Variants in SLC9C1 observed in about 807,000 individuals in gnomAD.
The protein encoded by SLC9C1 is solute carrier family 9 member C1.
Under a neutral mutation model 140.9 loss-of-function variants are expected in SLC9C1, and 97 were observed. That is an observed-to-expected ratio of 0.69 (90% CI 0.58 to 0.82). The LOEUF (loss-of-function observed/expected upper bound fraction) is 0.82. Ranked by LOEUF, SLC9C1 falls within the 40% of genes least tolerant of loss-of-function variation. SLC9C1 has a pLI of 0.00. For missense variants in SLC9C1, 1,340 were observed against 1,389.3 expected, an observed-to-expected ratio of 0.96 and a Z score of 0.56; for synonymous variants, 440 against 442.6, an observed-to-expected ratio of 0.99 and a Z score of 0.07.
At chr3:112,233,806 G>C (rs1442882122) in intron 12 of SLC9C1, among the ~76,000 whole-genome samples, 1 of 152,024 alleles carries the variant, frequency 6.6e-6, no homozygotes, top group Non-Finnish European at 1.5e-5. Context: ...CAAAGGACAT[G>C]AACTCATCAT....
In SLC9C1 at chr3:112,286,763, A is replaced by G; in HGVS notation, c.29T>C (p.Phe10Ser). Residue 10 changes from phenylalanine to serine, a missense_variant, in exon 2 of 29, where the codon TTC (phenylalanine) becomes TCC (serine). Coordinates refer to ENST00000305815, the MANE Select transcript of SLC9C1 (RefSeq NM_183061.3). MAGIFKEFFFSTEDLPEVIL... is the reference protein window; with the variant it reads MAGIFKEFFSSTEDLPEVIL... ...GACTTCAGGGAGGTCCTCAGTACTG[A>G]AAAAAAACTCCTTAAATATTCCAGC... 6.2e-7 allele frequency: 1 copy of G among 1,610,566 alleles called. No individual in the cohort carries two copies. Among genetic ancestry groups the G allele is most frequent in the Non-Finnish European group, 8.5e-7 (1 of 1,178,538 alleles).
chr3:112,224,765 A>T (rs910316480), intron 13 of SLC9C1, among the ~76,000 whole-genome samples: 6 of 151,842 alleles, frequency 4.0e-5, no homozygotes, highest in Non-Finnish European at 7.4e-5. Context: ...GAAAAAAGAG[A>T]AAAAGAGAAA....
intron 15 of SLC9C1, among the ~76,000 whole-genome samples, chr3:112,216,687 C>A (rs558370143): frequency 6.6e-6 from 1 of 152,160 alleles, no homozygotes; most frequent in South Asian, 2.1e-4. Context: ...GAATGGCAAT[C>A]ATTAAAGTCA....
At chr3:112,171,647 A>G (rs2077249408) in intron 23 of SLC9C1, among the ~76,000 whole-genome samples, 1 of 152,186 alleles carries the variant, frequency 6.6e-6, no homozygotes. Context: ...ATTTATCAAT[A>G]TTTCGTTTTA....
At chr3:112,197,806 C>T (rs776626607) in intron 20 of SLC9C1, among the ~76,000 whole-genome samples, 1 of 152,132 alleles carries the variant, frequency 6.6e-6, no homozygotes, top group Non-Finnish European at 1.5e-5. Flanking sequence ...AACTCCCTGA[C>T]ATGGTGTGAA....
At chr3:112,209,330 G>T (rs949005864) in intron 15 of SLC9C1, among the ~76,000 whole-genome samples, 3 of 152,178 alleles carry the variant, frequency 2.0e-5, no homozygotes, top group Admixed American at 1.3e-4. Context: ...TTTAAGCCTT[G>T]TTAACTTTGT....
chr3:112,269,796 A>C (rs966590664), intron 7 of SLC9C1, 120 bp downstream of exon 7: 1 of 724,590 alleles, frequency 1.4e-6, no homozygotes, highest in African/African-American at 1.9e-5. Context: ...TTTTAATAAA[A>C]ATATTCTGTC....
chr3:112,219,155 A>G (rs943067670), intron 14 of SLC9C1, among the ~76,000 whole-genome samples: 1 of 152,202 alleles, frequency 6.6e-6, no homozygotes, highest in African/African-American at 2.4e-5. Context: ...TTTTTTAGGC[A>G]ATTATACAAG....
chr3:112,154,911 T>A, intron 27 of SLC9C1, 86 bp downstream of exon 27: 1 of 1,319,530 alleles, frequency 7.6e-7, no homozygotes, highest in Non-Finnish European at 1.1e-6. Flanking sequence ...TTTTTCAGAA[T>A]AAGAGAAACA....
chr3:112,199,598 C>T (rs1485691917), intron 19 of SLC9C1, 129 bp from the exon 20 acceptor site: 3 of 587,362 alleles, frequency 5.1e-6, no homozygotes, highest in East Asian at 3.4e-5. Context: ...TGTATCTCTT[C>T]CTGAAGGGGC....
intron 21 of SLC9C1, among the ~76,000 whole-genome samples, chr3:112,181,567 TA>T (rs1368639437): frequency 6.6e-6 from 1 of 152,098 alleles, no homozygotes; most frequent in Non-Finnish European, 1.5e-5. Context: ...GTAGATGAGA[TA>T]AAAAATATAG....
At chr3:112,264,650 A>G (rs2079870036) in intron 8 of SLC9C1, among the ~76,000 whole-genome samples, 1 of 151,990 alleles carries the variant, frequency 6.6e-6, no homozygotes, top group African/African-American at 2.4e-5. Context: ...TAGAGGGCAT[A>G]TAGTGAAAAG....
chr3:112,242,810 A>G (rs6773805), intron 11 of SLC9C1, among the ~76,000 whole-genome samples: 3 of 151,980 alleles, frequency 2.0e-5, no homozygotes, highest in African/African-American at 7.2e-5. Context: ...TACAACTACT[A>G]TGTATCCACA....
At chr3:112,291,556 C>G (rs1284703088) in intron 1 of SLC9C1, among the ~76,000 whole-genome samples, 1 of 151,828 alleles carries the variant, frequency 6.6e-6, no homozygotes, top group Non-Finnish European at 1.5e-5. Context: ...CAAATCAAAA[C>G]CACAAGGAAG....
chr3:112,228,155 A>G (rs2078729977), intron 13 of SLC9C1, among the ~76,000 whole-genome samples: 1 of 152,110 alleles, frequency 6.6e-6, no homozygotes, highest in African/African-American at 2.4e-5. Context: ...CACTACAACC[A>G]ACAAGCTATA....
chr3:112,210,819 C>T (rs1025564978), intron 15 of SLC9C1, among the ~76,000 whole-genome samples: 6 of 151,986 alleles, frequency 3.9e-5, no homozygotes, highest in African/African-American at 1.5e-4. Flanking sequence ...GAGGTGGCTA[C>T]CACCCACTTC....
At chr3:112,238,779 C>T (rs2079061587) in intron 12 of SLC9C1, among the ~76,000 whole-genome samples, 1 of 152,186 alleles carries the variant, frequency 6.6e-6, no homozygotes, top group African/African-American at 2.4e-5. Flanking sequence ...GCGAATATTG[C>T]TGAACAGGCA....
chr3:112,189,154 A>G (rs2077599020), intron 20 of SLC9C1, among the ~76,000 whole-genome samples: 1 of 152,166 alleles, frequency 6.6e-6, no homozygotes, highest in Admixed American at 6.5e-5. Context: ...GGTAGATTGC[A>G]AAAATTTTCT....
At chr3:112,219,701 C>G (rs2078486695) in intron 14 of SLC9C1, among the ~76,000 whole-genome samples, 1 of 152,140 alleles carries the variant, frequency 6.6e-6, no homozygotes. Flanking sequence ...ATCTCAGCCT[C>G]CTGAGTAGCT....
Sources: allele counts gnomAD v4.1 joint callset (sites outside exome capture counted in the v4.1 genomes callset), GRCh38; gene constraint gnomAD v4.1.1; transcripts MANE v1.5; gene names NCBI Gene and HGNC (gene_info 2026-07-23, HGNC 2026-07-21).